Variants in ARHGEF35 observed in about 807,000 individuals in gnomAD.
ARHGEF35 encodes the protein Rho guanine nucleotide exchange factor 35, also known as Rho guanine nucleotide exchange factor (GEF) 35.
For synonymous variants in ARHGEF35, 47 were observed against 170.4 expected, an observed-to-expected ratio of 0.28 and a Z score of 5.64; for missense variants, 114 against 449.7, an observed-to-expected ratio of 0.25 and a Z score of 6.75.
Position 144,193,854 on chromosome 7 carries a change from A to G in ARHGEF35, c.-13+1684T>C, listed in dbSNP as rs558892786. Among the ~76,000 whole-genome samples, 176 of 144,956 alleles carry G rather than the reference A, an allele frequency of 1.2e-3. 1 individual carries two copies. Among genetic ancestry groups the G allele is most frequent in the African/African-American group, 4.3e-3 (169 of 39,032 alleles). On this transcript the variant is annotated intron_variant, in intron 1 of 1. Coordinates refer to ENST00000378115, the MANE Select transcript of ARHGEF35 (RefSeq NM_001003702.3). ...ATTAGTGTGAGTGACGTGTTTGTGTATTAACATAGACCTTGAGGGTGACTT... is the reference window on the plus strand; with the variant it reads ...ATTAGTGTGAGTGACGTGTTTGTGTGTTAACATAGACCTTGAGGGTGACTT...
At chr7:144,191,342 CA>C (rs2052000485) in intron 1 of ARHGEF35, among the ~76,000 whole-genome samples, 6 of 105,762 alleles carry the variant, frequency 5.7e-5, no homozygotes, top group African/African-American at 2.0e-4. Flanking sequence ...TCCCTGCCCC[CA>C]TCCCCCCCCC....
At position 144,187,058 on chromosome 7, in the gene ARHGEF35, C is replaced by G; in HGVS notation, c.1326G>C (p.Glu442Asp). ...IPGTQTESRA[E>D]ELSPAALSPL... ...GAGACAGAGCTGCGGGGGACAGTTC[C>G]TCAGCCCTGGACTCTGTCTGAGTCC... Residue 442 changes from glutamate to aspartate, a missense_variant, in exon 2 of 2, where the codon GAG becomes GAC. Glu to Asp is a conservative substitution (Grantham distance 45). Coordinates refer to ENST00000378115, the MANE Select transcript of ARHGEF35 (RefSeq NM_001003702.3). The G allele has an allele frequency of 6.5e-7, 1 of 1,543,796 alleles. No individual in the cohort carries two copies. The highest frequency in any genetic ancestry group is 1.1e-5 in the South Asian group (1 of 90,570).
At chr7:144,191,336 T>G (rs2052000346) in intron 1 of ARHGEF35, among the ~76,000 whole-genome samples, 1 of 113,422 alleles carries the variant, frequency 8.8e-6, no homozygotes, top group Non-Finnish European at 1.8e-5. Flanking sequence ...CATCTGTCCC[T>G]GCCCCCATCC....
In ARHGEF35 at chr7:144,186,937, C is replaced by A. The variant is rs766784803; in HGVS notation, c.1447G>T (p.Val483Leu). 1.3e-6 allele frequency: 2 copies of A among 1,507,798 alleles called. No individual in the cohort carries two copies. The highest frequency in any genetic ancestry group is 4.5e-5 in the East Asian group (2 of 44,526). The allele number at this position is 1,507,798 out of a possible 1,614,324, so 93.4% of individuals were successfully genotyped here. ...ESPDKEKLLS[V>L]L ...CATGAAACTGTGACATATCAAAGTA[C>A]TGATAGAAGTTTTTCCTTGTCAGGT... Residue 483 changes from valine (V) to leucine (L), a missense_variant, in exon 2 of 2, where the codon GTA becomes TTA. Coordinates refer to ENST00000378115, the MANE Select transcript of ARHGEF35 (RefSeq NM_001003702.3).
At chr7:144,192,230 TACACACACACACACACAC>T (rs2699831) in intron 1 of ARHGEF35, among the ~76,000 whole-genome samples, 5 of 62,810 alleles carry the variant, frequency 8.0e-5, no homozygotes, top group East Asian at 7.6e-4. Flanking sequence ...CCACTGTGTG[TACACACACACACACACAC>T]ACACACACAC....
Position 144,188,168 on chromosome 7 carries a change from AATCGC to A in ARHGEF35, c.211_215del (p.Ala71Ter). 1 of 515,984 alleles carries A rather than the reference AATCGC, an allele frequency of 1.9e-6. No individual in the cohort carries two copies. 32.0% of individuals were successfully genotyped at this position (515,984 alleles called of 1,614,324 possible). ...CCTTGGGAAAAGAGGGCATCGTCTC[AATCGC>A]ATAGTCACACACATCCCTTAACTCA... is the stretch of plus-strand genomic sequence containing the variant. On this transcript the variant is annotated frameshift_variant, in exon 2 of 2. Transcript: ENST00000378115. LOFTEE classifies it low-confidence loss of function (END_TRUNC).
At chr7:144,191,271 A>C in intron 1 of ARHGEF35, among the ~76,000 whole-genome samples, 3 of 105,832 alleles carry the variant, frequency 2.8e-5, no homozygotes, top group African/African-American at 1.1e-4. Flanking sequence ...CATGGGTTAT[A>C]CTCCCTGCAC....
At chr7:144,189,806 CTTTTTTTTTT>C (rs202193464) in intron 1 of ARHGEF35, among the ~76,000 whole-genome samples, 2 of 102,062 alleles carry the variant, frequency 2.0e-5, no homozygotes, top group Non-Finnish European at 1.9e-5. Context: ...TTTTTTCTTT[CTTTTTTTTTT>C]TTTTTTTTGA....
In ARHGEF35 at chr7:144,186,887, T is replaced by C; in HGVS notation, c.*42A>G. The C allele has an allele frequency of 2.2e-6, 3 of 1,346,634 alleles. No homozygotes were observed. The highest frequency in any genetic ancestry group is 3.0e-6 in the Non-Finnish European group (3 of 1,004,804). 83.4% of individuals were successfully genotyped at this position (1,346,634 alleles called of 1,614,324 possible). ...AGTCAAAGAAGTCTCAAGGAAAAATTTAAAAATACATTGAACTGGATAAAC... is the reference window on the plus strand; with the variant it reads ...AGTCAAAGAAGTCTCAAGGAAAAATCTAAAAATACATTGAACTGGATAAAC... On this transcript the variant is annotated 3_prime_UTR_variant, in exon 2 of 2. Coordinates refer to ENST00000378115, the MANE Select transcript of ARHGEF35 (RefSeq NM_001003702.3).
At position 144,187,018 on chromosome 7, in the gene ARHGEF35, T is replaced by C. The variant is rs753084294; in HGVS notation, c.1366A>G (p.Ile456Val). 4 of 1,545,880 alleles carry C rather than the reference T, an allele frequency of 2.6e-6. No homozygotes were observed. The highest frequency in any genetic ancestry group is 3.6e-6 in the Non-Finnish European group (4 of 1,123,760). Reference sequence around the variant, plus strand: ...GAAATGGGCTGGTGAGAGCATCTGATGGGCTCTAGCAAGGGAGACAGAGCT... The same window carrying C: ...GAAATGGGCTGGTGAGAGCATCTGACGGGCTCTAGCAAGGGAGACAGAGCT... ...PAALSPLLEP[I>V]RCSHQPISLL... The change falls in exon 2 of 2, where the codon ATC (isoleucine) becomes GTC (valine). Residue 456 changes from isoleucine to valine, a missense_variant. By Grantham distance (29) the Ile-to-Val change is conservative (BLOSUM62 3). Coordinates refer to ENST00000378115, the MANE Select transcript of ARHGEF35 (RefSeq NM_001003702.3).
rs1610542 is a variant in ARHGEF35, at chr7:144,191,352, C to T, written c.-12-2957G>A. ...ATCTGTCCCTGCCCCCATCCCCCCC[C>T]CCCCCACTGGCTTTCAGTGTCTTTA... On this transcript the variant is annotated intron_variant, in intron 1 of 1. Coordinates refer to ENST00000378115, the MANE Select transcript of ARHGEF35 (RefSeq NM_001003702.3). 5.1e-4 allele frequency among the ~76,000 whole-genome samples: 41 copies of T among 80,116 alleles called. 2 individuals are homozygous for T. Among genetic ancestry groups the T allele is most frequent in the East Asian group, 1.3e-3 (3 of 2,270 alleles). The allele number at this position is 80,116 out of a possible 152,430, so 52.6% of individuals were successfully genotyped here.
chr7:144,189,830 G>A (rs1287573360), intron 1 of ARHGEF35, among the ~76,000 whole-genome samples: 2 of 106,034 alleles, frequency 1.9e-5, no homozygotes, highest in Non-Finnish European at 3.6e-5. Flanking sequence ...TTTTTGAGAT[G>A]GAGTCTTGCT....
intron 1 of ARHGEF35, among the ~76,000 whole-genome samples, chr7:144,192,151 C>G (rs1346636154): frequency 8.0e-6 from 1 of 125,200 alleles, no homozygotes; most frequent in African/African-American, 3.3e-5. Flanking sequence ...TGCACCTGAC[C>G]GTGCACCTTT....
chr7:144,191,743 TC>T (rs1290141248), intron 1 of ARHGEF35, among the ~76,000 whole-genome samples: 2 of 118,082 alleles, frequency 1.7e-5, no homozygotes, highest in Non-Finnish European at 3.6e-5. Context: ...CATTTTCTTA[TC>T]TTTAAAAAGG....
At position 144,191,350 on chromosome 7, in the gene ARHGEF35, C is replaced by G; in HGVS notation, c.-12-2955G>C. Reference sequence around the variant, plus strand: ...CCATCTGTCCCTGCCCCCATCCCCCCCCCCCCCACTGGCTTTCAGTGTCTT... The same window carrying G: ...CCATCTGTCCCTGCCCCCATCCCCCGCCCCCCCACTGGCTTTCAGTGTCTT... On this transcript the variant is annotated intron_variant, in intron 1 of 1. Transcript: ENST00000378115. Among the ~76,000 whole-genome samples, 2 of 90,254 alleles carry G rather than the reference C, an allele frequency of 2.2e-5. 1 individual carries two copies. Among genetic ancestry groups the G allele is most frequent in the Non-Finnish European group, 5.0e-5 (2 of 39,656 alleles). 59.2% of individuals were successfully genotyped at this position (90,254 alleles called of 152,430 possible). A position where few individuals can be genotyped will look rare whatever the true frequency, so the allele number is the denominator to read the frequency against.
Position 144,187,032 on chromosome 7 carries a change from G to C in ARHGEF35, c.1352C>G (p.Pro451Arg), listed in dbSNP as rs780791566. ...AGAGCATCTGATGGGCTCTAGCAAG[G>C]GAGACAGAGCTGCGGGGGACAGTTC... is the stretch of plus-strand genomic sequence containing the variant. ...AEELSPAALSPLLEPIRCSHQ... is the reference protein window; with the variant it reads ...AEELSPAALSRLLEPIRCSHQ... The change falls in exon 2 of 2, where the codon CCC becomes CGC. Residue 451 changes from proline (P) to arginine (R), a missense_variant. Coordinates refer to ENST00000378115, the MANE Select transcript of ARHGEF35 (RefSeq NM_001003702.3). 3.2e-5 allele frequency: 49 copies of C among 1,545,322 alleles called. 3 individuals carry two copies. The South Asian group carries it at 5.3e-4, about 17-fold the overall frequency.
rs1019746101 is a variant in ARHGEF35, at chr7:144,186,720, A to T, written c.*209T>A. The T allele has an allele frequency of 9.6e-6, 5 of 522,000 alleles. No homozygotes were observed. Among genetic ancestry groups the T allele is most frequent in the Non-Finnish European group, 1.3e-5 (4 of 312,918 alleles). 32.3% of individuals were successfully genotyped at this position (522,000 alleles called of 1,614,324 possible). On this transcript the variant is annotated 3_prime_UTR_variant, in exon 2 of 2. Coordinates refer to ENST00000378115, the MANE Select transcript of ARHGEF35 (RefSeq NM_001003702.3). ...CCTAGGCCCTAAAACTCGCCACAAC[A>T]AATTTAAAAGAGATAGTAATCATCC...
rs535143171 is a variant in ARHGEF35 at position 144,187,084 on chromosome 7, C to G, written c.1300G>C (p.Gly434Arg). Reference protein sequence around the residue: ...GASYLVTQIPGTQTESRAEEL... With the variant: ...GASYLVTQIPRTQTESRAEEL... ...TCAGCCCTGGACTCTGTCTGAGTCC[C>G]GGGAATCTGAGTCACGAGATATGAG... Residue 434 changes from glycine (G) to arginine (R), a missense_variant, in exon 2 of 2, where the codon GGG (glycine) becomes CGG (arginine). Coordinates refer to ENST00000378115, the MANE Select transcript of ARHGEF35 (RefSeq NM_001003702.3). 1.3e-6 allele frequency: 2 copies of G among 1,540,102 alleles called. No homozygotes were observed. The highest frequency in any genetic ancestry group is 2.2e-5 in the South Asian group (2 of 90,384).
At position 144,186,898 on chromosome 7, in the gene ARHGEF35, T is replaced by C. The variant is rs746729134; in HGVS notation, c.*31A>G. The C allele has an allele frequency of 9.4e-6, 13 of 1,377,250 alleles. No individual in the cohort carries two copies. The Admixed American group carries it at 1.3e-4, about 14-fold the overall frequency. The allele number at this position is 1,377,250 out of a possible 1,614,324, so 85.3% of individuals were successfully genotyped here. A position where few individuals can be genotyped will look rare whatever the true frequency, so the allele number is the denominator to read the frequency against. On this transcript the variant is annotated 3_prime_UTR_variant, in exon 2 of 2. Transcript: ENST00000378115. Reference sequence around the variant, plus strand: ...TCTCAAGGAAAAATTTAAAAATACATTGAACTGGATAAACATGAAACTGTG... The same window carrying C: ...TCTCAAGGAAAAATTTAAAAATACACTGAACTGGATAAACATGAAACTGTG...
Sources: allele counts gnomAD v4.1 joint callset (sites outside exome capture counted in the v4.1 genomes callset), GRCh38; gene constraint gnomAD v4.1.1; transcripts MANE v1.5; gene names NCBI Gene and HGNC (gene_info 2026-07-23, HGNC 2026-07-21).